TOM1L2: variants seen among roughly 807,000 people sequenced by gnomAD.
The protein encoded by TOM1L2 is target of myb1 like 2 membrane trafficking protein, also known as TOM1-like protein 2.
A neutral mutation model predicts 67.9 loss-of-function variants in TOM1L2; 31 were observed. The ratio of observed to expected loss-of-function variants is 0.46; its 90% CI spans 0.34 to 0.62. The LOEUF is 0.62. Ranked by LOEUF, TOM1L2 falls within the 20% of genes least tolerant of loss-of-function variation. The probability of loss-of-function intolerance (pLI) is 0.01; values close to 1 mark genes in which losing one functional copy is unlikely to be tolerated. For missense variants in TOM1L2, 606 were observed against 663.5 expected (o/e 0.91, Z 0.95); for synonymous variants, 256 against 254.0 (o/e 1.01, Z -0.07).
intron 5 of TOM1L2, 136 bp from the exon 6 acceptor site, chr17:17,882,999 G>C: frequency 2.8e-6 from 3 of 1,070,982 alleles, no homozygotes; most frequent in Non-Finnish European, 4.0e-6. Context: ...TGCTGCCCGG[G>C]TGAGGTTCAC....
At chr17:17,943,600 G>C (rs1311155188) in intron 1 of TOM1L2, among the ~76,000 whole-genome samples, 2 of 152,176 alleles carry the variant, frequency 1.3e-5, no homozygotes, top group East Asian at 3.8e-4. Flanking sequence ...CTCTCTTGGG[G>C]ATTGCTGCTG....
At chr17:17,874,928 C>T (rs2037345093) in intron 7 of TOM1L2, among the ~76,000 whole-genome samples, 1 of 152,154 alleles carries the variant, frequency 6.6e-6, no homozygotes, top group Non-Finnish European at 1.5e-5. Flanking sequence ...AAAGCTTTAC[C>T]ATCTCTTGGC....
intron 1 of TOM1L2, among the ~76,000 whole-genome samples, chr17:17,958,052 T>C (rs571099648): frequency 1.7e-3 from 257 of 149,198 alleles, no homozygotes; most frequent in Non-Finnish European, 3.4e-3. Context: ...ATTGTGCCAC[T>C]GCACTCCAGC....
intron 1 of TOM1L2, among the ~76,000 whole-genome samples, chr17:17,954,158 G>C (rs1206997020): frequency 6.6e-6 from 1 of 152,262 alleles, no homozygotes; most frequent in Non-Finnish European, 1.5e-5. Flanking sequence ...ATGAGCAAGA[G>C]AGAAGGGATG....
rs116238840 is a variant in TOM1L2 at position 17,961,081 on chromosome 17, G to A, written c.52+11181C>T. On this transcript the variant is annotated intron_variant, in intron 1 of 14. Coordinates refer to ENST00000379504, the MANE Select transcript of TOM1L2 (RefSeq NM_001082968.2). ...GAATATATAGAGAACTCCTAAAACC[G>A]AACAACAACAAAACCCAATTAAAAA... 7.2e-5 allele frequency among the ~76,000 whole-genome samples: 11 copies of A among 152,124 alleles called. No homozygotes were observed. The East Asian group carries it at 9.6e-4, about 13-fold the overall frequency.
intron 1 of TOM1L2, among the ~76,000 whole-genome samples, chr17:17,925,486 A>G (rs78686345): frequency 0.039 from 5,979 of 152,174 alleles, 413 homozygotes; most frequent in African/African-American, 0.14. Flanking sequence ...AAAGACTAAG[A>G]AAGAAAGTGG....
intron 1 of TOM1L2, among the ~76,000 whole-genome samples, chr17:17,955,646 T>C (rs1451244739): frequency 1.3e-5 from 2 of 152,188 alleles, no homozygotes; most frequent in Non-Finnish European, 2.9e-5. Flanking sequence ...GCCTCTTCTT[T>C]GTTGTTTTTT....
At chr17:17,949,598 G>A (rs1000095405) in intron 1 of TOM1L2, among the ~76,000 whole-genome samples, 3 of 152,248 alleles carry the variant, frequency 2.0e-5, no homozygotes, top group Non-Finnish European at 4.4e-5. Context: ...CTCAGTAAGT[G>A]TGGCATCCAA....
At chr17:17,946,804 A>G (rs941533197) in intron 1 of TOM1L2, among the ~76,000 whole-genome samples, 5 of 152,108 alleles carry the variant, frequency 3.3e-5, no homozygotes, top group Non-Finnish European at 5.9e-5. Context: ...GGCTCACTGC[A>G]ACCTCTGCCT....
chr17:17,856,153 TC>T (rs1215711579), intron 12 of TOM1L2, among the ~76,000 whole-genome samples: 1 of 152,198 alleles, frequency 6.6e-6, no homozygotes, highest in Non-Finnish European at 1.5e-5. Context: ...GTGGGCAGTA[TC>T]CTTTTTTGCA....
intron 1 of TOM1L2, among the ~76,000 whole-genome samples, chr17:17,930,214 C>G (rs2040269258): frequency 6.6e-6 from 1 of 152,170 alleles, no homozygotes; most frequent in African/African-American, 2.4e-5. Context: ...AGTCATTTTA[C>G]CGAGTGTTGC....
intron 10 of TOM1L2, among the ~76,000 whole-genome samples, chr17:17,864,605 G>T (rs999489025): frequency 6.7e-6 from 1 of 150,264 alleles, no homozygotes; most frequent in Non-Finnish European, 1.5e-5. Flanking sequence ...TCCGCCTCCC[G>T]GGTTCAAGCG....
intron 13 of TOM1L2, 106 bp downstream of exon 13, chr17:17,850,787 A>T: frequency 8.0e-7 from 1 of 1,243,524 alleles, no homozygotes. Context: ...TTCTCCACTG[A>T]CCCAGACAGG....
chr17:17,856,211 G>T (rs1160311598), intron 12 of TOM1L2, among the ~76,000 whole-genome samples: 1 of 152,236 alleles, frequency 6.6e-6, no homozygotes. Context: ...CCCAATGAAT[G>T]GACATGGTTT....
chr17:17,970,053 T>C (rs943322826), intron 1 of TOM1L2, among the ~76,000 whole-genome samples: 1 of 151,986 alleles, frequency 6.6e-6, no homozygotes, highest in African/African-American at 2.4e-5. Context: ...GTTGTTGTTG[T>C]TGTTGTTTGT....
chr17:17,944,740 C>A (rs1214654756), intron 1 of TOM1L2, among the ~76,000 whole-genome samples: 1 of 152,248 alleles, frequency 6.6e-6, no homozygotes, highest in Non-Finnish European at 1.5e-5. Flanking sequence ...TGCCGACTAA[C>A]AGGGAGCTAT....
chr17:17,963,703 G>A (rs762732382), intron 1 of TOM1L2, among the ~76,000 whole-genome samples: 3 of 152,190 alleles, frequency 2.0e-5, no homozygotes, highest in Non-Finnish European at 4.4e-5. Flanking sequence ...GAATAACTAT[G>A]AAGAATATAC....
intron 1 of TOM1L2, among the ~76,000 whole-genome samples, chr17:17,957,752 TAC>T (rs1362216163): frequency 6.6e-6 from 1 of 151,988 alleles, no homozygotes; most frequent in Non-Finnish European, 1.5e-5. Flanking sequence ...CACACACACG[TAC>T]ACACACATAT....
At chr17:17,911,400 T>C (rs1311221388) in intron 1 of TOM1L2, among the ~76,000 whole-genome samples, 1 of 152,216 alleles carries the variant, frequency 6.6e-6, no homozygotes, top group Admixed American at 6.5e-5. Context: ...GTCAGCACTT[T>C]ACAATTATCC....
Sources: gnomAD v4.1 joint callset for allele counts (sites outside exome capture counted in the v4.1 genomes callset) on GRCh38, gnomAD v4.1.1 for gene constraint, MANE v1.5 for transcripts, NCBI Gene and HGNC (gene_info 2026-07-23, HGNC 2026-07-21) for gene names.